Variants in SGK1 observed in about 807,000 individuals in gnomAD.
The protein encoded by SGK1 is serine/threonine-protein kinase Sgk1.
Under a neutral mutation model 64.2 loss-of-function variants are expected in SGK1, and 26 were observed. The ratio of observed to expected loss-of-function variants is 0.40; its 90% CI spans 0.30 to 0.56. The LOEUF (loss-of-function observed/expected upper bound fraction) is 0.56. Among genes scored for constraint, SGK1 ranks in the 20% least tolerant of loss-of-function variants. SGK1 has a pLI of 0.38. For missense variants in SGK1, 519 were observed against 645.6 expected, an observed-to-expected ratio of 0.80 and a Z score of 2.12; for synonymous variants, 265 against 239.7, an observed-to-expected ratio of 1.11 and a Z score of -0.98.
intron 1 of SGK1, among the ~76,000 whole-genome samples, chr6:134,300,986 G>A (rs1406308648): frequency 1.3e-5 from 2 of 152,116 alleles, no homozygotes; most frequent in African/African-American, 4.8e-5. Flanking sequence ...GAATTGCACT[G>A]ACGTTGGGAG....
intron 4 of SGK1, chr6:134,174,294 GCCAACACGAA>G (rs1247313085): frequency 1.3e-5 from 8 of 603,044 alleles, no homozygotes; most frequent in Non-Finnish European, 2.0e-5. Flanking sequence ...CGTGAATTCG[GCCAACACGAA>G]CCATTTATCT....
intron 9 of SGK1, 156 bp from the exon 10 acceptor site, chr6:134,172,472 T>C: frequency 1.2e-6 from 1 of 821,394 alleles, no homozygotes; most frequent in African/African-American, 1.7e-5. Flanking sequence ...TCATCTATTC[T>C]GGATTAGGCA....
intron 1 of SGK1, among the ~76,000 whole-genome samples, chr6:134,269,077 G>A (rs957305444): frequency 6.8e-6 from 1 of 147,192 alleles, no homozygotes; most frequent in Non-Finnish European, 1.5e-5. Flanking sequence ...AGAGCAAACA[G>A]ATATTACTAT....
At chr6:134,229,497 T>C (rs892839025) in intron 2 of SGK1, among the ~76,000 whole-genome samples, 1 of 152,234 alleles carries the variant, frequency 6.6e-6, no homozygotes, top group Non-Finnish European at 1.5e-5. Context: ...TCCATTTAGA[T>C]TGGTCACATG....
At chr6:134,268,438 T>G (rs183493592) in intron 1 of SGK1, among the ~76,000 whole-genome samples, 1 of 152,098 alleles carries the variant, frequency 6.6e-6, no homozygotes, top group East Asian at 1.9e-4. Context: ...AAATCAAGAA[T>G]TCCCAGGCCG....
rs764121588 is a variant in SGK1, at chr6:134,170,992, C to A, written c.1323+31G>T. 1.9e-6 allele frequency: 3 copies of A among 1,613,482 alleles called. No homozygotes were observed. The South Asian group carries it at 3.3e-5, about 18-fold the overall frequency. On this transcript the variant is annotated intron_variant, in intron 12 of 13. Coordinates refer to ENST00000367858, the MANE Select transcript of SGK1 (RefSeq NM_001143676.3). ...AGGGAGGTCTAGTGCACGTCCCGGC[C>A]GGCCCAGGAGGACAGGAAAACATCA... is the stretch of plus-strand genomic sequence containing the variant.
rs140154883 is a variant in SGK1 at position 134,316,621 on chromosome 6, C to A, written c.69+771G>T. Reference sequence around the variant, plus strand: ...CATGCAAAAAAATCCTTTTTTCTCACCTACAACCAATGCAACATTATTCAT... The same window carrying A: ...CATGCAAAAAAATCCTTTTTTCTCAACTACAACCAATGCAACATTATTCAT... On this transcript the variant is annotated intron_variant, in intron 1 of 13. Coordinates refer to ENST00000367858, the MANE Select transcript of SGK1 (RefSeq NM_001143676.3). Among the ~76,000 whole-genome samples, 643 of 151,726 alleles carry A rather than the reference C, an allele frequency of 4.2e-3. 5 individuals are homozygous for A. Among genetic ancestry groups the A allele is most frequent in the African/African-American group, 0.011 (445 of 41,362 alleles).
At chr6:134,177,229 CAAAA>C (rs1775256649) in intron 3 of SGK1, among the ~76,000 whole-genome samples, 1 of 106,240 alleles carries the variant, frequency 9.4e-6, no homozygotes, top group Non-Finnish European at 2.0e-5. Flanking sequence ...AACAAACAAA[CAAAA>C]ACAAAACAAA....
Position 134,288,517 on chromosome 6 carries a change from A to T in SGK1, c.70-26369T>A, listed in dbSNP as rs191352046. On this transcript the variant is annotated intron_variant, in intron 1 of 13. Coordinates refer to ENST00000367858, the MANE Select transcript of SGK1 (RefSeq NM_001143676.3). ...ATTAGGCTTTCTAATGGGCAAAGAG[A>T]TGTCTTCAACCATTTTATGATGAGA... 1.3e-5 allele frequency among the ~76,000 whole-genome samples: 2 copies of T among 152,312 alleles called. 1 individual carries two copies. Among genetic ancestry groups the T allele is most frequent in the Non-Finnish European group, 2.9e-5 (2 of 68,036 alleles).
At chr6:134,315,044 G>A (rs566728304) in intron 1 of SGK1, among the ~76,000 whole-genome samples, 2 of 152,236 alleles carry the variant, frequency 1.3e-5, no homozygotes, top group African/African-American at 4.8e-5. Flanking sequence ...ATCTGGGAAA[G>A]GGAGAAAGAT....
At chr6:134,262,275 A>G (rs1776778985) in intron 1 of SGK1, 127 bp from the exon 2 acceptor site, 1 of 644,776 alleles carries the variant, frequency 1.6e-6, no homozygotes, top group East Asian at 2.5e-5. Flanking sequence ...CAACCTGTCT[A>G]TCTTTCAAAC....
At chr6:134,192,592 A>T (rs1465185303) in intron 3 of SGK1, among the ~76,000 whole-genome samples, 2 of 137,730 alleles carry the variant, frequency 1.5e-5, no homozygotes, top group Admixed American at 7.3e-5. Context: ...TCCCACCTCC[A>T]TCCATCCCCC....
intron 2 of SGK1, among the ~76,000 whole-genome samples, chr6:134,226,580 G>C (rs972503850): frequency 2.6e-5 from 4 of 151,790 alleles, no homozygotes; most frequent in African/African-American, 9.7e-5. Context: ...TGTAGTCCCA[G>C]CTACCTGGGA....
rs1775053348 is a variant in SGK1 at position 134,172,241 on chromosome 6, C to T, written c.1023G>A (p.Glu341=). The T allele has an allele frequency of 6.2e-7, 1 of 1,614,068 alleles. No individual in the cohort carries two copies. The highest frequency in any genetic ancestry group is 8.5e-7 in the Non-Finnish European group (1 of 1,180,014). ...IVLTDFGLCK[E]NIEHNSTTST... ...ATGTTGTGCTGTTGTGTTCAATGTT[C>T]TCCTTGCAGAGTCCGAAGTCAGTAA... Residue 341 remains glutamate, a synonymous_variant, in exon 10 of 14, where the codon GAG becomes GAA. Coordinates refer to ENST00000367858, the MANE Select transcript of SGK1 (RefSeq NM_001143676.3).
intron 2 of SGK1, among the ~76,000 whole-genome samples, chr6:134,247,585 A>G (rs1411510393): frequency 2.6e-5 from 4 of 152,194 alleles, no homozygotes; most frequent in Non-Finnish European, 5.9e-5. Context: ...CAATACTGAA[A>G]GATTAATTTT....
chr6:134,185,555 AGTGTGTGTGTGTGT>A (rs55653141), intron 3 of SGK1, among the ~76,000 whole-genome samples: 7 of 145,420 alleles, frequency 4.8e-5, no homozygotes, highest in East Asian at 2.0e-4. Context: ...TATCTCTATG[AGTGTGTGTGTGTGT>A]GTGTGTGTGT....
chr6:134,248,685 C>T (rs921413586), intron 2 of SGK1, among the ~76,000 whole-genome samples: 10 of 152,136 alleles, frequency 6.6e-5, no homozygotes, highest in South Asian at 4.2e-4. Context: ...CTACCTGCCT[C>T]GGCCTTATTT....
chr6:134,315,596 T>A (rs1199518397), intron 1 of SGK1, among the ~76,000 whole-genome samples: 1 of 152,212 alleles, frequency 6.6e-6, no homozygotes, highest in African/African-American at 2.4e-5. Flanking sequence ...TTTATGTAAC[T>A]TAAATCTACA....
intron 2 of SGK1, among the ~76,000 whole-genome samples, chr6:134,222,768 T>C (rs1183173909): frequency 2.6e-5 from 4 of 152,138 alleles, no homozygotes; most frequent in African/African-American, 9.7e-5. Flanking sequence ...CAATACAATA[T>C]TTGGATTTGT....
Sources: allele counts gnomAD v4.1 joint callset (sites outside exome capture counted in the v4.1 genomes callset), GRCh38; gene constraint gnomAD v4.1.1; transcripts MANE v1.5; gene names NCBI Gene and HGNC (gene_info 2026-07-23, HGNC 2026-07-21).